AGBL2: variants seen among roughly 807,000 people sequenced by gnomAD.
The protein encoded by AGBL2 is cytosolic carboxypeptidase 2.
A neutral mutation model predicts 103.0 loss-of-function variants in AGBL2; 87 were observed. The ratio of observed to expected loss-of-function variants is 0.84; its 90% CI spans 0.71 to 1.01. The LOEUF (loss-of-function observed/expected upper bound fraction) is 1.01, where lower values mean the gene tolerates loss of function less well. AGBL2 is among the 50% of genes least tolerant of loss of function. The probability of loss-of-function intolerance (pLI) is 0.00; values close to 1 mark genes in which losing one functional copy is unlikely to be tolerated. For synonymous variants in AGBL2, 335 were observed against 356.7 expected (o/e 0.94, Z 0.69); for missense variants, 904 against 1,023.5 (o/e 0.88, Z 1.59).
chr11:47,699,364 T>A, intron 8 of AGBL2, 82 bp downstream of exon 8: 1 of 832,992 alleles, frequency 1.2e-6, no homozygotes. Flanking sequence ...TATGGATTTT[T>A]AAAATCACTT....
At chr11:47,697,248 G>T (rs6485770) in intron 8 of AGBL2, among the ~76,000 whole-genome samples, 143,740 of 151,912 alleles carry the variant, frequency 0.95, 68,499 homozygotes, top group East Asian at 1. Flanking sequence ...TGATGATGAT[G>T]ATTTTTTGAG....
Position 47,665,207 on chromosome 11 carries a change from C to T in AGBL2, c.2448+1749G>A, listed in dbSNP as rs1442682956. ...CCACTACAGGCATACACCACCATGCCCAGCTAATTTTGCATTTTTAGTAGA... is the reference window on the plus strand; with the variant it reads ...CCACTACAGGCATACACCACCATGCTCAGCTAATTTTGCATTTTTAGTAGA... On this transcript the variant is annotated intron_variant, in intron 17 of 18. Transcript: ENST00000525123. 2.0e-5 allele frequency among the ~76,000 whole-genome samples: 3 copies of T among 151,832 alleles called. No individual in the cohort carries two copies. In the South Asian group the frequency reaches 6.2e-4, roughly 32 times the overall value.
chr11:47,714,115 C>T (rs1599135057), intron 3 of AGBL2, 169 bp downstream of exon 3: 2 of 601,538 alleles, frequency 3.3e-6, no homozygotes, highest in East Asian at 2.8e-5. Flanking sequence ...AGAGGTGACC[C>T]GCAGATCAAT....
Position 47,715,230 on chromosome 11 carries a change from G to T in AGBL2, c.-156C>A. 1 of 155,888 alleles carries T rather than the reference G, an allele frequency of 6.4e-6. No individual in the cohort carries two copies. The highest frequency in any genetic ancestry group is 1.4e-5 in the Non-Finnish European group (1 of 70,558). 9.7% of individuals were successfully genotyped at this position (155,888 alleles called of 1,614,324 possible). ...TTCGCGCCCCGGCCCGTCCCAAGCA[G>T]CACGGATGGCTGCGGCAGAGAAGCT... On this transcript the variant is annotated 5_prime_UTR_variant, in exon 1 of 19. The change creates a new upstream start codon in the 5' untranslated region. Transcript: ENST00000525123.
intron 3 of AGBL2, chr11:47,714,028 A>G (rs1407364530): frequency 6.6e-6 from 3 of 452,460 alleles, no homozygotes; most frequent in African/African-American, 3.9e-5. Flanking sequence ...TGATACTGGT[A>G]AAGGATAGCC....
At chr11:47,699,739 T>C (rs1487574945) in intron 7 of AGBL2, among the ~76,000 whole-genome samples, 186 bp from the exon 8 acceptor site, 2 of 152,152 alleles carry the variant, frequency 1.3e-5, no homozygotes, top group African/African-American at 4.8e-5. Flanking sequence ...TAAAGACTTA[T>C]GAGGACACTT....
chr11:47,691,200 G>T (rs548937375), intron 9 of AGBL2, among the ~76,000 whole-genome samples: 9 of 151,974 alleles, frequency 5.9e-5, no homozygotes, highest in African/African-American at 1.7e-4. Flanking sequence ...CGAGGTGTAG[G>T]TTGCAGTGAG....
Position 47,705,587 on chromosome 11 carries a change from G to A in AGBL2, c.334C>T (p.Leu112=), listed in dbSNP as rs1432891910. The change falls in exon 6 of 19, where the codon CTG becomes TTG. Residue 112 remains leucine (L), a synonymous_variant. Transcript: ENST00000525123. The part of the protein sequence containing the change: ...GWMQWRGLSS[L]QPPPPRFKDS... ...TTGAATCTGGGAGGTGGAGGTTGCA[G>A]TGAGCTGAGGCCGCGCCACTGCATC... The A allele has an allele frequency of 1.6e-5, 8 of 488,920 alleles. No homozygotes were observed. Among genetic ancestry groups the A allele is most frequent in the African/African-American group, 1.6e-4 (8 of 50,432 alleles). 30.3% of individuals were successfully genotyped at this position (488,920 alleles called of 1,614,324 possible).
Position 47,715,287 on chromosome 11 carries a change from A to G in AGBL2, c.-213T>C, listed in dbSNP as rs1208460966. The stretch of plus-strand genomic sequence containing the variant: ...AGGCAGGCGGCCACCGCACTTAAGT[A>G]CAGAGGCCAAGCAGTGTGCGGGCAA... On this transcript the variant is annotated 5_prime_UTR_variant, in exon 1 of 19. Transcript: ENST00000525123. 6 of 153,434 alleles carry G rather than the reference A, an allele frequency of 3.9e-5. No homozygotes were observed. Among genetic ancestry groups the G allele is most frequent in the Non-Finnish European group, 7.3e-5 (5 of 68,948 alleles). 9.5% of individuals were successfully genotyped at this position (153,434 alleles called of 1,614,324 possible).
At chr11:47,691,099 C>CA (rs71042701) in intron 9 of AGBL2, among the ~76,000 whole-genome samples, 76,511 of 138,386 alleles carry the variant, frequency 0.55, 22,650 homozygotes, top group South Asian at 0.69. Context: ...ACTAAATATA[C>CA]AAAAAAAAAA....
At chr11:47,681,856 A>C (rs2153803683) in intron 12 of AGBL2, 113 bp downstream of exon 12, 2 of 1,318,748 alleles carry the variant, frequency 1.5e-6, no homozygotes, top group East Asian at 4.7e-5. Context: ...GTCTAGACAA[A>C]GAAATCCTCT....
chr11:47,667,032 T>G lies in AGBL2; in HGVS notation c.2372A>C (p.Lys791Thr), dbSNP rs760004377. ...EKAGFASTLQ[K>T]QPTFFKNSEN... ...TGAGTTTTTGAAAAAGGTTGGCTGC[T>G]TTTGCAGAGTAGAAGCAAATCCTGC... is the stretch of plus-strand genomic sequence containing the variant. Residue 791 changes from lysine (K) to threonine (T), a missense_variant, in exon 17 of 19, where the codon AAG becomes ACG. Lys to Thr is a moderately conservative substitution (Grantham distance 78). Coordinates refer to ENST00000525123, the MANE Select transcript of AGBL2 (RefSeq NM_024783.4). 101 of 1,612,236 alleles carry G rather than the reference T, an allele frequency of 6.3e-5. No homozygotes were observed. Among genetic ancestry groups the G allele is most frequent in the Non-Finnish European group, 8.0e-5 (94 of 1,179,504 alleles).
Position 47,667,661 on chromosome 11 carries a change from T to C in AGBL2, c.2250A>G (p.Lys750=), listed in dbSNP as rs747577453. 1.2e-6 allele frequency: 2 copies of C among 1,613,122 alleles called. No individual in the cohort carries two copies. The highest frequency in any genetic ancestry group is 8.5e-7 in the Non-Finnish European group (1 of 1,179,872). ...TQKKKMFKKK[K]KKSLQTRKQR... ...GTTTCCTAGTCTGAAGTGACTTCTTTTTTTTCTTCTTAAACATCTTCTTTT... is the reference window on the plus strand; with the variant it reads ...GTTTCCTAGTCTGAAGTGACTTCTTCTTTTTCTTCTTAAACATCTTCTTTT... The change falls in exon 16 of 19, where the codon AAA becomes AAG. Residue 750 remains lysine, a synonymous_variant. Transcript: ENST00000525123.
chr11:47,707,465 G>C (rs977284856), intron 4 of AGBL2, among the ~76,000 whole-genome samples: 16 of 152,212 alleles, frequency 1.1e-4, no homozygotes, highest in African/African-American at 3.9e-4. Context: ...CAGGCCAAGA[G>C]AGAGCTTGTG....
intron 18 of AGBL2, among the ~76,000 whole-genome samples, chr11:47,662,408 A>AG (rs2097330432): frequency 6.6e-6 from 1 of 151,162 alleles, no homozygotes; most frequent in Non-Finnish European, 1.5e-5. Context: ...TGGAACTCCT[A>AG]ACCTCAGGTG....
At chr11:47,699,600 C>T (rs369639882) in intron 7 of AGBL2, 47 bp from the exon 8 acceptor site, 60 of 1,079,012 alleles carry the variant, frequency 5.6e-5, no homozygotes, top group South Asian at 2.3e-4. Context: ...ATAATGTAAA[C>T]GGCACTATCA....
intron 8 of AGBL2, among the ~76,000 whole-genome samples, chr11:47,692,830 T>C (rs1034561357): frequency 6.6e-6 from 1 of 151,880 alleles, no homozygotes; most frequent in African/African-American, 2.4e-5. Context: ...TATGTTTTCT[T>C]TGTTTGAGAC....
At chr11:47,710,701 A>G (rs776556555) in intron 3 of AGBL2, 190 bp from the exon 4 acceptor site, 74 of 691,494 alleles carry the variant, frequency 1.1e-4, no homozygotes, top group Non-Finnish European at 1.6e-4. Flanking sequence ...TCCCCACCTT[A>G]CAGCTGAGGA....
intron 8 of AGBL2, among the ~76,000 whole-genome samples, chr11:47,694,560 A>C (rs1210332172): frequency 6.6e-6 from 1 of 152,126 alleles, no homozygotes; most frequent in African/African-American, 2.4e-5. Flanking sequence ...TGCCCCAGGT[A>C]GCTATGAGCA....
Sources: allele counts gnomAD v4.1 joint callset (sites outside exome capture counted in the v4.1 genomes callset), GRCh38; gene constraint gnomAD v4.1.1; transcripts MANE v1.5; gene names NCBI Gene and HGNC (gene_info 2026-07-23, HGNC 2026-07-21).